PDE8B: variants seen among roughly 807,000 people sequenced by gnomAD.
PDE8B encodes the protein high affinity cAMP-specific and IBMX-insensitive 3',5'-cyclic phosphodiesterase 8B.
In PDE8B, 26 loss-of-function variants were observed where a neutral mutation model predicts 101.3. That is an observed-to-expected ratio of 0.26 (90% CI 0.19 to 0.36). PDE8B has a LOEUF of 0.36. Ranked by LOEUF, PDE8B falls within the 10% of genes least tolerant of loss-of-function variation. The pLI, the probability that PDE8B is intolerant of heterozygous loss-of-function variation, is 1.00. For synonymous variants in PDE8B, 424 were observed against 429.3 expected (o/e 0.99, Z 0.15); for missense variants, 810 against 1,163.1 (o/e 0.70, Z 4.42).
intron 14 of PDE8B, among the ~76,000 whole-genome samples, chr5:77,409,846 G>A (rs1794188686): frequency 6.6e-6 from 1 of 152,260 alleles, no homozygotes; most frequent in Non-Finnish European, 1.5e-5. Flanking sequence ...GCCAAATGCT[G>A]AATGTTGACT....
chr5:77,373,173 C>T (rs1785375726), intron 10 of PDE8B, among the ~76,000 whole-genome samples: 1 of 152,064 alleles, frequency 6.6e-6, no homozygotes, highest in Admixed American at 6.5e-5. Context: ...GGCTTTATTA[C>T]TTTTCTCTAT....
the PDE8B span, among the ~76,000 whole-genome samples, chr5:77,157,063 T>A: frequency 6.6e-6 from 1 of 152,170 alleles, no homozygotes; most frequent in East Asian, 1.9e-4. Flanking sequence ...TTCTGAGCTC[T>A]GGTGACTTTC....
At chr5:77,277,390 C>T (rs555359873) in intron 1 of PDE8B, among the ~76,000 whole-genome samples, 17 of 152,282 alleles carry the variant, frequency 1.1e-4, no homozygotes, top group South Asian at 8.3e-4. Context: ...AAACTCTTTT[C>T]TGGGTTCTGT....
the PDE8B span, chr5:77,141,504 T>A: frequency 4.6e-5 from 7 of 152,310 alleles, no homozygotes; most frequent in South Asian, 1.2e-3. Flanking sequence ...TTAAACTCTA[T>A]GGGGCATTGG....
intron 2 of PDE8B, among the ~76,000 whole-genome samples, chr5:77,312,310 G>A (rs920345495): frequency 6.6e-6 from 1 of 151,988 alleles, no homozygotes; most frequent in African/African-American, 2.4e-5. Flanking sequence ...CACCATGTTG[G>A]CCAGACTGGT....
the PDE8B span, among the ~76,000 whole-genome samples, chr5:77,149,858 T>C: frequency 2.0e-5 from 3 of 152,338 alleles, no homozygotes; most frequent in African/African-American, 7.2e-5. Context: ...CTATTATGTC[T>C]TCTGTTCTGT....
chr5:77,143,643 G>A, the PDE8B span, among the ~76,000 whole-genome samples: 4 of 152,182 alleles, frequency 2.6e-5, no homozygotes, highest in South Asian at 2.1e-4. Context: ...TCATTCAGAG[G>A]AGAGAGGTGT....
At chr5:77,217,598 T>G (rs543910549) in intron 1 of PDE8B, among the ~76,000 whole-genome samples, 1 of 151,880 alleles carries the variant, frequency 6.6e-6, no homozygotes, top group East Asian at 1.9e-4. Context: ...TGCAATGGTG[T>G]GATCTCAGCT....
intron 11 of PDE8B, among the ~76,000 whole-genome samples, chr5:77,400,546 AC>A (rs898884097): frequency 3.3e-5 from 5 of 152,290 alleles, no homozygotes; most frequent in Middle Eastern, 6.8e-3. Context: ...TTGGCTAGAT[AC>A]CATGTAGGAC....
the PDE8B span, chr5:77,114,509 T>G: frequency 1.3e-5 from 2 of 151,700 alleles, no homozygotes; most frequent in South Asian, 2.1e-4. Flanking sequence ...CAGGGCCTGT[T>G]GAGGGGTTGG....
At chr5:77,106,249 G>A in the PDE8B span, 1 of 152,142 alleles carries the variant, frequency 6.6e-6, no homozygotes. Flanking sequence ...CTACACTAAA[G>A]TTGCCAAGAT....
intron 1 of PDE8B, among the ~76,000 whole-genome samples, chr5:77,295,610 C>G (rs1297149036): frequency 6.6e-6 from 1 of 152,054 alleles, no homozygotes; most frequent in African/African-American, 2.4e-5. Flanking sequence ...AATTGCCCAC[C>G]CAAAGGATAC....
chr5:77,109,824 T>C, the PDE8B span, among the ~76,000 whole-genome samples: 1 of 152,060 alleles, frequency 6.6e-6, no homozygotes, highest in Non-Finnish European at 1.5e-5. Context: ...CTGAGCACCA[T>C]TCGTATAGAA....
chr5:77,351,202 C>A, intron 9 of PDE8B, 49 bp downstream of exon 9: 2 of 1,352,240 alleles, frequency 1.5e-6, no homozygotes, highest in Non-Finnish European at 2.1e-6. Context: ...AGACTCAAGG[C>A]CCTCATGGGC....
At chr5:77,378,050 C>CACACACACACACACACA (rs1297659516) in intron 10 of PDE8B, among the ~76,000 whole-genome samples, 7 of 110,188 alleles carry the variant, frequency 6.4e-5, no homozygotes, top group African/African-American at 3.6e-4. Flanking sequence ...ACACACACAC[C>CACACACACACACACACA]CCCTGTTGGT....
the PDE8B span, among the ~76,000 whole-genome samples, chr5:77,102,542 G>A: frequency 8.8e-3 from 1,345 of 152,278 alleles, 11 homozygotes; most frequent in Non-Finnish European, 0.012. Flanking sequence ...GCAGGAGCTA[G>A]GAAGCGTTGT....
At chr5:77,194,919 T>C in the PDE8B span, among the ~76,000 whole-genome samples, 1 of 152,246 alleles carries the variant, frequency 6.6e-6, no homozygotes, top group Non-Finnish European at 1.5e-5. Context: ...CAAGTTATTG[T>C]TTGAATACCT....
At chr5:77,112,384 C>CAA in the PDE8B span, 1 of 152,136 alleles carries the variant, frequency 6.6e-6, no homozygotes, top group Non-Finnish European at 1.5e-5. Context: ...AGTGGCTAAG[C>CAA]AAATCTTTTT....
At chr5:77,101,894 A>G in the PDE8B span, among the ~76,000 whole-genome samples, 4 of 152,182 alleles carry the variant, frequency 2.6e-5, no homozygotes, top group South Asian at 2.1e-4. Context: ...TCATTGTTTA[A>G]GAGGTACAGA....
Sources: gnomAD v4.1 joint callset for allele counts (sites outside exome capture counted in the v4.1 genomes callset) on GRCh38, gnomAD v4.1.1 for gene constraint, MANE v1.5 for transcripts, NCBI Gene and HGNC (gene_info 2026-07-23, HGNC 2026-07-21) for gene names.